Variants in MAP4K4 observed in about 807,000 individuals in gnomAD.
MAP4K4 encodes the protein HPK/GCK-like kinase HGK.
Under a neutral mutation model 189.6 loss-of-function variants are expected in MAP4K4, and 38 were observed. That is an observed-to-expected ratio of 0.20 (90% CI 0.15 to 0.26). The LOEUF (loss-of-function observed/expected upper bound fraction) is 0.26, where lower values mean the gene tolerates loss of function less well. Ranked by LOEUF, MAP4K4 falls within the 10% of genes least tolerant of loss-of-function variation. The probability of loss-of-function intolerance (pLI) is 1.00; values close to 1 mark genes in which losing one functional copy is unlikely to be tolerated. For missense variants in MAP4K4, 1,054 were observed against 1,726.9 expected (o/e 0.61, Z 6.91); for synonymous variants, 610 against 624.3 (o/e 0.98, Z 0.34).
intron 3 of MAP4K4, among the ~76,000 whole-genome samples, chr2:101,805,736 A>G (rs1243881400): frequency 6.6e-6 from 1 of 152,236 alleles, no homozygotes; most frequent in Non-Finnish European, 1.5e-5. Flanking sequence ...GAAAGAGCAG[A>G]TGACGTTGCT....
exon 32 of MAP4K4, chr2:101,888,931 A>G: frequency 6.2e-7 from 1 of 1,611,002 alleles, no homozygotes; most frequent in East Asian, 2.2e-5. Context: ...GAACGCAATG[A>G]CAAGGTAATA....
At chr2:101,704,178 T>G (rs17809691) in intron 2 of MAP4K4, among the ~76,000 whole-genome samples, 1 of 152,014 alleles carries the variant, frequency 6.6e-6, no homozygotes, top group South Asian at 2.1e-4. Context: ...GATGTTTTCA[T>G]TAGGAGGAGA....
At chr2:101,745,192 C>A (rs906437058) in intron 2 of MAP4K4, among the ~76,000 whole-genome samples, 5 of 151,872 alleles carry the variant, frequency 3.3e-5, no homozygotes, top group Non-Finnish European at 7.4e-5. Flanking sequence ...TTATTTGCAT[C>A]TTTTTCAAAG....
chr2:101,813,756 G>C (rs2095567509), intron 3 of MAP4K4, among the ~76,000 whole-genome samples: 1 of 152,188 alleles, frequency 6.6e-6, no homozygotes, highest in Non-Finnish European at 1.5e-5. Context: ...TCGTGGGCTA[G>C]AAATGAATAT....
intron 3 of MAP4K4, among the ~76,000 whole-genome samples, chr2:101,807,958 A>G (rs1035353835): frequency 6.6e-6 from 1 of 152,182 alleles, no homozygotes; most frequent in Non-Finnish European, 1.5e-5. Flanking sequence ...TCCAGGCCCT[A>G]CCTCCAGCAT....
At chr2:101,869,714 G>A (rs1042916) in exon 22 of MAP4K4, 17 of 1,600,320 alleles carry the variant, frequency 1.1e-5, no homozygotes, top group African/African-American at 1.3e-5. Flanking sequence ...GTGAGGAGTC[G>A]GGGACGACGG....
At chr2:101,722,878 G>C (rs554301026) in intron 2 of MAP4K4, among the ~76,000 whole-genome samples, 1 of 152,332 alleles carries the variant, frequency 6.6e-6, no homozygotes, top group East Asian at 1.9e-4. Context: ...TGTAGTAGCA[G>C]TATACAGCAT....
chr2:101,785,229 C>G (rs1228982920), intron 2 of MAP4K4, among the ~76,000 whole-genome samples: 1 of 152,218 alleles, frequency 6.6e-6, no homozygotes, highest in South Asian at 2.1e-4. Flanking sequence ...TGTATGAGTA[C>G]AAAAGTTTTA....
intron 2 of MAP4K4, among the ~76,000 whole-genome samples, chr2:101,776,861 A>G (rs2084459532): frequency 1.3e-5 from 2 of 152,176 alleles, no homozygotes; most frequent in African/African-American, 4.8e-5. Flanking sequence ...CATAACCCAA[A>G]TAACCACATA....
chr2:101,828,655 A>G (rs1338592644), intron 5 of MAP4K4, among the ~76,000 whole-genome samples: 1 of 152,244 alleles, frequency 6.6e-6, no homozygotes, highest in African/African-American at 2.4e-5. Flanking sequence ...AACAGGAAAA[A>G]TCAAATAACC....
At chr2:101,777,737 C>A (rs944201195) in intron 2 of MAP4K4, among the ~76,000 whole-genome samples, 6 of 152,048 alleles carry the variant, frequency 3.9e-5, no homozygotes, top group African/African-American at 1.4e-4. Flanking sequence ...GCTTATATAC[C>A]CCTTCAAGAA....
At chr2:101,877,622 A>G (rs1212474300) in intron 27 of MAP4K4, among the ~76,000 whole-genome samples, 1 of 132,294 alleles carries the variant, frequency 7.6e-6, no homozygotes, top group African/African-American at 2.8e-5. Flanking sequence ...ACTACAGGCA[A>G]GTGCCACCAA....
intron 28 of MAP4K4, among the ~76,000 whole-genome samples, chr2:101,883,479 C>G (rs983594714): frequency 3.3e-5 from 5 of 152,116 alleles, no homozygotes; most frequent in Non-Finnish European, 7.4e-5. Flanking sequence ...TTACAGGCAC[C>G]TTGCCACCAC....
At chr2:101,853,621 A>G (rs2149741437) in intron 12 of MAP4K4, among the ~76,000 whole-genome samples, 1 of 152,276 alleles carries the variant, frequency 6.6e-6, no homozygotes, top group South Asian at 2.1e-4. Context: ...TTCTGGAACT[A>G]AGAAGTACGA....
intron 27 of MAP4K4, among the ~76,000 whole-genome samples, chr2:101,879,330 G>A: frequency 7.3e-6 from 1 of 137,838 alleles, no homozygotes; most frequent in Admixed American, 7.6e-5. Context: ...CATAAATGTA[G>A]TACATGTCAA....
chr2:101,860,636 T>G (rs1312042285), intron 15 of MAP4K4, 189 bp from the exon 16 acceptor site: 4 of 514,324 alleles, frequency 7.8e-6, no homozygotes, highest in Non-Finnish European at 1.4e-5. Flanking sequence ...TCATAAATAT[T>G]TTCTTTTTCC....
chr2:101,840,668 T>A (rs2096890254), intron 10 of MAP4K4, among the ~76,000 whole-genome samples: 1 of 152,244 alleles, frequency 6.6e-6, no homozygotes, highest in African/African-American at 2.4e-5. Flanking sequence ...CTAGCTCACA[T>A]TGATCCTTCT....
Position 101,863,398 on chromosome 2 carries a change from A to AG in MAP4K4, c.1867-421dup, listed in dbSNP as rs575867815. ...CACTGCAGGTAATGTGAGGATGGCT[A>AG]GGTAGGTTTGCACATTTGGCAGTGC... On this transcript the variant is annotated intron_variant, in intron 16 of 32. Coordinates refer to ENST00000324219, the Ensembl canonical transcript of MAP4K4. Among the ~76,000 whole-genome samples the AG allele has an allele frequency of 1.1e-4, 17 of 152,312 alleles. No homozygotes were observed. The South Asian group carries it at 3.3e-3, about 30-fold the overall frequency.
chr2:101,837,484 C>T (rs901611365), intron 9 of MAP4K4, among the ~76,000 whole-genome samples: 5 of 151,960 alleles, frequency 3.3e-5, no homozygotes, highest in South Asian at 2.1e-4. Context: ...CCATTTACCC[C>T]GTGTTTAGAA....
Sources: allele counts gnomAD v4.1 joint callset (sites outside exome capture counted in the v4.1 genomes callset), GRCh38; gene constraint gnomAD v4.1.1; transcripts MANE v1.5; gene names NCBI Gene and HGNC (gene_info 2026-07-23, HGNC 2026-07-21).